The following DRICH1 variants were observed in gnomAD, a reference collection of about 807,000 sequenced individuals.
The protein encoded by DRICH1 is aspartate-rich protein 1.
Under a neutral mutation model 39.5 loss-of-function variants are expected in DRICH1, and 38 were observed. The observed-to-expected ratio is 0.96, with a 90% confidence interval of 0.74 to 1.26. The LOEUF is 1.26. DRICH1 is among the 50% of genes most tolerant of loss of function. The pLI is 0.00. For synonymous variants in DRICH1, 84 were observed against 99.5 expected, an observed-to-expected ratio of 0.84 and a Z score of 0.93; for missense variants, 279 against 270.4, an observed-to-expected ratio of 1.03 and a Z score of -0.22.
chr22:23,600,814 G>A, the DRICH1 span, among the ~76,000 whole-genome samples: 1 of 151,656 alleles, frequency 6.6e-6, no homozygotes, highest in Non-Finnish European at 1.5e-5. Flanking sequence ...CTGGGACTAT[G>A]GGCACCCGCC....
chr22:23,626,649 G>T (rs1219781764), intron 1 of DRICH1, among the ~76,000 whole-genome samples: 1 of 152,146 alleles, frequency 6.6e-6, no homozygotes, highest in African/African-American at 2.4e-5. Context: ...AACTCTGCAA[G>T]AAGTTATTCC....
intron 11 of DRICH1, among the ~76,000 whole-genome samples, chr22:23,609,464 C>T (rs1470109752): frequency 6.6e-6 from 1 of 152,178 alleles, no homozygotes; most frequent in Non-Finnish European, 1.5e-5. Flanking sequence ...TCTGAGGGAG[C>T]CTGGAGCCCT....
chr22:23,582,798 C>T, the DRICH1 span, among the ~76,000 whole-genome samples: 1 of 151,884 alleles, frequency 6.6e-6, no homozygotes, highest in Non-Finnish European at 1.5e-5. Context: ...TGATCTCAGG[C>T]GATCAGCCCA....
At chr22:23,631,113 G>T (rs529848906) in intron 1 of DRICH1, among the ~76,000 whole-genome samples, 29 of 151,964 alleles carry the variant, frequency 1.9e-4, no homozygotes, top group African/African-American at 6.3e-4. Flanking sequence ...CATGTACCTC[G>T]GAACTTAAAA....
chr22:23,631,984 C>T lies in DRICH1; in HGVS notation c.40G>A (p.Gly14Ser). 1.2e-6 allele frequency: 2 copies of T among 1,613,658 alleles called. No individual in the cohort carries two copies. The highest frequency in any genetic ancestry group is 1.7e-5 in the Admixed American group (1 of 60,018). ...ILTCCINSHCGWPRGKDAPCY... is the reference protein window; with the variant it reads ...ILTCCINSHCSWPRGKDAPCY... ...GGTGCGTCCTTCCCCCTGGGCCAGC[C>T]ACAGTGGGAGTTGATACAACAGGTC... Residue 14 changes from glycine to serine, a missense_variant, in exon 1 of 12, where the codon GGC becomes AGC. Transcript: ENST00000317749.
the DRICH1 span, among the ~76,000 whole-genome samples, chr22:23,585,884 T>C: frequency 2.6e-5 from 4 of 152,356 alleles, no homozygotes; most frequent in African/African-American, 9.6e-5. Context: ...CTGAATAATT[T>C]CAATTCTTTC....
downstream of DRICH1, among the ~76,000 whole-genome samples, chr22:23,603,679 G>A (rs980580835): frequency 1.3e-5 from 2 of 152,076 alleles, no homozygotes; most frequent in African/African-American, 2.4e-5. Context: ...CTTGATCTGT[G>A]AGACCAGTAC....
chr22:23,619,742 T>C (rs1927601857), intron 5 of DRICH1, among the ~76,000 whole-genome samples: 1 of 152,234 alleles, frequency 6.6e-6, no homozygotes, highest in Non-Finnish European at 1.5e-5. Flanking sequence ...GTTGTGCTTC[T>C]CCCTCCATTT....
the DRICH1 span, among the ~76,000 whole-genome samples, chr22:23,586,341 T>C: frequency 6.0e-4 from 91 of 152,248 alleles, no homozygotes; most frequent in South Asian, 0.017. Flanking sequence ...CATTAAAAAC[T>C]AGCTGGGCAT....
chr22:23,588,393 T>A, the DRICH1 span, among the ~76,000 whole-genome samples: 8 of 152,212 alleles, frequency 5.3e-5, no homozygotes. Flanking sequence ...CCCAAAGTGC[T>A]GGGATCACAG....
At chr22:23,629,121 C>A (rs530465377) in intron 1 of DRICH1, among the ~76,000 whole-genome samples, 1 of 152,308 alleles carries the variant, frequency 6.6e-6, no homozygotes, top group Admixed American at 6.5e-5. Context: ...TCACTGCAAC[C>A]TCTGCCTCTT....
In DRICH1 at chr22:23,631,967, C is replaced by G; in HGVS notation, c.57G>C (p.Lys19Asn). 1 of 1,613,770 alleles carries G rather than the reference C, an allele frequency of 6.2e-7. No individual in the cohort carries two copies. The highest frequency in any genetic ancestry group is 8.5e-7 in the Non-Finnish European group (1 of 1,180,034). The change falls in exon 1 of 12, where the codon AAG (lysine) becomes AAC (asparagine). Residue 19 changes from lysine (K) to asparagine (N), a missense_variant. Lys to Asn is a moderately conservative substitution (Grantham distance 94). Transcript: ENST00000317749. ...INSHCGWPRG[K>N]DAPCYESDTD... Reference sequence around the variant, plus strand: ...TATCAGATTCATAACAGGGTGCGTCCTTCCCCCTGGGCCAGCCACAGTGGG... The same window carrying G: ...TATCAGATTCATAACAGGGTGCGTCGTTCCCCCTGGGCCAGCCACAGTGGG...
chr22:23,600,923 C>T, the DRICH1 span, among the ~76,000 whole-genome samples: 3 of 152,072 alleles, frequency 2.0e-5, no homozygotes, highest in Non-Finnish European at 1.5e-5. Context: ...CGACCCACCT[C>T]GGCCTCCCAA....
At chr22:23,617,317 A>G (rs1417317635) in intron 7 of DRICH1, among the ~76,000 whole-genome samples, 1 of 152,240 alleles carries the variant, frequency 6.6e-6, no homozygotes, top group African/African-American at 2.4e-5. Flanking sequence ...AATCAGGTGA[A>G]GGAAATAATG....
At chr22:23,604,529 T>C (rs1486186275), downstream of DRICH1, among the ~76,000 whole-genome samples, 1 of 152,118 alleles carries the variant, frequency 6.6e-6, no homozygotes, top group East Asian at 1.9e-4. Flanking sequence ...GGGGACTCCT[T>C]GCCTAGAAGT....
At chr22:23,628,419 T>C (rs181527396) in intron 1 of DRICH1, among the ~76,000 whole-genome samples, 1 of 152,200 alleles carries the variant, frequency 6.6e-6, no homozygotes, top group Admixed American at 6.5e-5. Flanking sequence ...ATATAAAAAT[T>C]AGTTGGGTGC....
the DRICH1 span, among the ~76,000 whole-genome samples, chr22:23,581,847 A>T: frequency 2.6e-5 from 4 of 151,364 alleles, no homozygotes; most frequent in Admixed American, 2.0e-4. Flanking sequence ...CTCATGATCC[A>T]CCCGCCTGGG....
At chr22:23,623,915 G>T in intron 3 of DRICH1, 1 of 975,302 alleles carries the variant, frequency 1.0e-6, no homozygotes, top group South Asian at 4.7e-5. Context: ...TTCCACAAAT[G>T]ATGGTAAAAC....
At chr22:23,615,318 G>A (rs1927289874) in intron 8 of DRICH1, among the ~76,000 whole-genome samples, 1 of 152,238 alleles carries the variant, frequency 6.6e-6, no homozygotes, top group Non-Finnish European at 1.5e-5. Context: ...AGAGGTTGCA[G>A]TGAGCCGCGA....
Sources: gnomAD v4.1 joint callset for allele counts (sites outside exome capture counted in the v4.1 genomes callset) on GRCh38, gnomAD v4.1.1 for gene constraint, MANE v1.5 for transcripts, NCBI Gene and HGNC (gene_info 2026-07-23, HGNC 2026-07-21) for gene names.